PRDM2: variants seen among roughly 807,000 people sequenced by gnomAD.
The protein encoded by PRDM2 is PR domain zinc finger protein 2.
In PRDM2, 30 loss-of-function variants were observed where a neutral mutation model predicts 130.0. That is an observed-to-expected ratio of 0.23 (90% CI 0.17 to 0.31). PRDM2 has a LOEUF of 0.31. Ranked by LOEUF, PRDM2 falls within the 10% of genes least tolerant of loss-of-function variation. The pLI is 1.00. For missense variants in PRDM2, 2,011 were observed against 2,108.4 expected (o/e 0.95, Z 0.90); for synonymous variants, 871 against 782.4 (o/e 1.11, Z -1.89).
chr1:13,819,915 G>A (rs945447282), intron 9 of PRDM2, among the ~76,000 whole-genome samples: 2 of 152,204 alleles, frequency 1.3e-5, no homozygotes, highest in Non-Finnish European at 2.9e-5. Flanking sequence ...CCATCACAGG[G>A]AGGGGTTAGG....
At chr1:13,798,371 C>CGA (rs1259502106) in intron 8 of PRDM2, among the ~76,000 whole-genome samples, 1 of 152,048 alleles carries the variant, frequency 6.6e-6, no homozygotes, top group Non-Finnish European at 1.5e-5. Flanking sequence ...AAAATCAAGC[C>CGA]GAAAGAAAAG....
rs1570127143 is a variant in PRDM2, at chr1:13,815,731, C to A, written c.5037-696C>A. Among the ~76,000 whole-genome samples, 5 of 152,282 alleles carry A rather than the reference C, an allele frequency of 3.3e-5. 1 individual carries two copies. The South Asian group carries it at 1.0e-3, about 32-fold the overall frequency. Reference sequence around the variant, plus strand: ...TTTTTAAAAGCCCTTCTGAAAAAATCAAATCCCATTTACTGGGGGCGGTGG... The same window carrying A: ...TTTTTAAAAGCCCTTCTGAAAAAATAAAATCCCATTTACTGGGGGCGGTGG... On this transcript the variant is annotated intron_variant, in intron 8 of 9. Transcript: ENST00000311066.
intron 8 of PRDM2, among the ~76,000 whole-genome samples, chr1:13,809,678 G>A (rs976744997): frequency 4.6e-5 from 7 of 152,170 alleles, no homozygotes; most frequent in African/African-American, 1.4e-4. Flanking sequence ...GGCCGTGGAC[G>A]CCAAAGCCAC....
chr1:13,773,100 T>A lies in PRDM2; in HGVS notation c.534T>A (p.Asn178Lys). The A allele has an allele frequency of 1.3e-6, 2 of 1,539,752 alleles. No homozygotes were observed. The highest frequency in any genetic ancestry group is 1.7e-6 in the Non-Finnish European group (2 of 1,148,332). Reference sequence around the variant, plus strand: ...CAGGGAAGAAAAAATCCCAGGAAAATAAAAACAAAGGAAACAAAATCCAAG... The same window carrying A: ...CAGGGAAGAAAAAATCCCAGGAAAAAAAAAACAAAGGAAACAAAATCCAAG... ...SRKGKKKSQE[N>K]KNKGNKIQDI... Residue 178 changes from asparagine to lysine, a missense_variant, in exon 7 of 10, where the codon AAT (asparagine) becomes AAA (lysine). Asn to Lys is a moderately conservative substitution (Grantham distance 94, BLOSUM62 0). This residue lies in a region of PRDM2 where 1,288 missense variants were observed against 1,237.7 expected (regional missense o/e 1.04). Coordinates refer to ENST00000311066, the MANE Select transcript of PRDM2 (RefSeq NM_001393986.1).
chr1:13,738,098 AG>A (rs1643325730), intron 4 of PRDM2, among the ~76,000 whole-genome samples: 1 of 152,204 alleles, frequency 6.6e-6, no homozygotes. Context: ...TTGGTAAAAA[AG>A]TGTTTCAGTG....
At chr1:13,718,648 T>C (rs1191332844) in intron 2 of PRDM2, among the ~76,000 whole-genome samples, 2 of 152,086 alleles carry the variant, frequency 1.3e-5, no homozygotes, top group African/African-American at 4.8e-5. Context: ...TCTTAACCTC[T>C]CAATTAGAGC....
At chr1:13,794,896 C>T (rs189257824) in intron 8 of PRDM2, among the ~76,000 whole-genome samples, 1 of 152,324 alleles carries the variant, frequency 6.6e-6, no homozygotes, top group Middle Eastern at 3.4e-3. Flanking sequence ...GTTTGGCTAC[C>T]AGTGGCACCA....
chr1:13,725,526 C>T (rs1569754320), intron 2 of PRDM2, among the ~76,000 whole-genome samples: 1 of 152,094 alleles, frequency 6.6e-6, no homozygotes, highest in South Asian at 2.1e-4. Flanking sequence ...TACTCTTTAC[C>T]CAGCCTTTTC....
At chr1:13,777,361 T>C (rs994642959) in intron 7 of PRDM2, among the ~76,000 whole-genome samples, 1 of 151,892 alleles carries the variant, frequency 6.6e-6, no homozygotes, top group African/African-American at 2.4e-5. Flanking sequence ...GTAACCAGAG[T>C]GATTCTCTTG....
intron 3 of PRDM2, among the ~76,000 whole-genome samples, chr1:13,732,500 G>T (rs1386724622): frequency 6.6e-6 from 1 of 152,016 alleles, no homozygotes; most frequent in Non-Finnish European, 1.5e-5. Context: ...CTACTGTACG[G>T]GTAGTGTTAC....
At chr1:13,795,246 G>C (rs1415194160) in intron 8 of PRDM2, among the ~76,000 whole-genome samples, 2 of 152,178 alleles carry the variant, frequency 1.3e-5, no homozygotes, top group Non-Finnish European at 2.9e-5. Flanking sequence ...GATAATGCTT[G>C]CTGGCCACGA....
rs1240398338 is a variant in PRDM2, at chr1:13,771,562, T to A, written c.512-1516T>A. Reference sequence around the variant, plus strand: ...CTGGCTAAGATGGTGAAACCCCGTCTCTACTAAAATACGAAAAATTAGCCG... The same window carrying A: ...CTGGCTAAGATGGTGAAACCCCGTCACTACTAAAATACGAAAAATTAGCCG... On this transcript the variant is annotated intron_variant, in intron 6 of 9. Transcript: ENST00000311066. The surrounding 1 kb of genome is among the most constrained non-coding windows in gnomAD (Gnocchi z 4.1). Among the ~76,000 whole-genome samples, 1 of 152,128 alleles carries A rather than the reference T, an allele frequency of 6.6e-6. No individual in the cohort carries two copies. Among genetic ancestry groups the A allele is most frequent in the African/African-American group, 2.4e-5 (1 of 41,412 alleles).
chr1:13,742,276 C>G (rs541183312), intron 5 of PRDM2, 119 bp downstream of exon 5: 2 of 1,177,960 alleles, frequency 1.7e-6, no homozygotes, highest in East Asian at 5.0e-5. Context: ...TCACGGCTCA[C>G]TGCAGCCTAA....
At chr1:13,814,828 C>T (rs1472161245) in intron 8 of PRDM2, among the ~76,000 whole-genome samples, 4 of 152,184 alleles carry the variant, frequency 2.6e-5, no homozygotes, top group Non-Finnish European at 5.9e-5. Flanking sequence ...CGTGTTTGTC[C>T]CTCCTGCTTT....
At chr1:13,713,139 A>AGAGACAGAGG (rs1416611401) in intron 1 of PRDM2, among the ~76,000 whole-genome samples, 3 of 36,408 alleles carry the variant, frequency 8.2e-5, no homozygotes, top group Non-Finnish European at 1.5e-4. Context: ...TTGCATAGAG[A>AGAGACAGAGG]TTGTAGTAAC....
In PRDM2 at chr1:13,711,805, T is replaced by A. The variant is rs537736230; in HGVS notation, c.-65-3736T>A. On this transcript the variant is annotated intron_variant, in intron 1 of 9. Coordinates refer to ENST00000311066, the MANE Select transcript of PRDM2 (RefSeq NM_001393986.1). ...AAAATGAGAGTCTGGTTTTTAGCAA[T>A]TAGGATTTGGAAGTAATAGGGAGGA... 2.0e-5 allele frequency among the ~76,000 whole-genome samples: 3 copies of A among 152,088 alleles called. No individual in the cohort carries two copies. In the East Asian group the frequency reaches 5.8e-4, roughly 29 times the overall value.
intron 9 of PRDM2, among the ~76,000 whole-genome samples, chr1:13,818,393 T>C (rs1384104347): frequency 2.0e-5 from 3 of 149,920 alleles, no homozygotes; most frequent in Non-Finnish European, 4.5e-5. Flanking sequence ...TTTTTTTTTT[T>C]TTTTGAGACA....
At chr1:13,712,099 C>T (rs1490499035) in intron 1 of PRDM2, among the ~76,000 whole-genome samples, 1 of 150,670 alleles carries the variant, frequency 6.6e-6, no homozygotes. Context: ...TGGCGCGAGC[C>T]TGTAGTCTTA....
intron 1 of PRDM2, 65 bp from the exon 2 acceptor site, chr1:13,715,476 G>A: frequency 1.4e-6 from 1 of 695,642 alleles, no homozygotes; most frequent in Non-Finnish European, 2.2e-6. Flanking sequence ...AGTTCTGTAT[G>A]TGGTTTTAAA....
Sources: allele counts gnomAD v4.1 joint callset (sites outside exome capture counted in the v4.1 genomes callset), GRCh38; gene constraint gnomAD v4.1.1; regional missense constraint gnomAD v4.1.1; non-coding constraint Gnocchi (gnomAD v3.1); transcripts MANE v1.5; gene names NCBI Gene and HGNC (gene_info 2026-07-23, HGNC 2026-07-21).